Variants in TRPV2 observed in about 807,000 individuals in gnomAD.
TRPV2 encodes OTRPC2.
In TRPV2, 58 loss-of-function variants were observed where a neutral mutation model predicts 91.0. The observed-to-expected ratio is 0.64, with a 90% CI of 0.52 to 0.79. TRPV2 has a LOEUF of 0.79. TRPV2 is among the 30% of genes least tolerant of loss of function. The pLI is 0.00. For synonymous variants in TRPV2, 417 were observed against 414.8 expected (o/e 1.01, Z -0.06); for missense variants, 807 against 969.6 (o/e 0.83, Z 2.23).
chr17:16,430,113 C>A (rs1335967891), intron 10 of TRPV2, among the ~76,000 whole-genome samples: 3 of 152,154 alleles, frequency 2.0e-5, no homozygotes, highest in African/African-American at 4.8e-5. Context: ...GATCCGCCTG[C>A]CTTGGCCTCC....
At chr17:16,431,676 G>A (rs999478768) in intron 10 of TRPV2, 108 bp from the exon 11 acceptor site, 21 of 940,376 alleles carry the variant, frequency 2.2e-5, no homozygotes, top group East Asian at 7.2e-5. Context: ...GTATGTGTGC[G>A]TATGTGCAGT....
At chr17:16,432,322 G>T in intron 12 of TRPV2, 22 bp downstream of exon 12, 10 of 1,582,620 alleles carry the variant, frequency 6.3e-6, no homozygotes, top group African/African-American at 1.3e-5. Flanking sequence ...GAGGCTCCCT[G>T]CCCCCACCCC....
At chr17:16,417,026 A>G (rs975118812) in intron 1 of TRPV2, among the ~76,000 whole-genome samples, 3 of 152,114 alleles carry the variant, frequency 2.0e-5, no homozygotes, top group Admixed American at 6.6e-5. Context: ...TCCCAGAGGA[A>G]AAGTCGGGGA....
At chr17:16,425,976 C>A in intron 5 of TRPV2, 123 bp from the exon 6 acceptor site, 4 of 1,043,384 alleles carry the variant, frequency 3.8e-6, no homozygotes, top group South Asian at 1.5e-5. Flanking sequence ...GGGGTACGTG[C>A]ACGTGTCAGC....
intron 10 of TRPV2, among the ~76,000 whole-genome samples, chr17:16,430,802 A>G (rs958598898): frequency 6.6e-6 from 1 of 152,140 alleles, no homozygotes; most frequent in Non-Finnish European, 1.5e-5. Context: ...TTCCTTTGTA[A>G]GGCTGAATAA....
intron 1 of TRPV2, among the ~76,000 whole-genome samples, 192 bp from the exon 2 acceptor site, chr17:16,417,370 A>T (rs2093335948): frequency 6.7e-6 from 1 of 148,514 alleles, no homozygotes; most frequent in Non-Finnish European, 1.5e-5. Flanking sequence ...CCTCCCTAGT[A>T]GCTGGGATTA....
intron 13 of TRPV2, chr17:16,434,588 C>A: frequency 3.0e-6 from 1 of 335,110 alleles, no homozygotes; most frequent in Non-Finnish European, 5.4e-6. Flanking sequence ...CCCCAGAACC[C>A]GGAAGCACAG....
rs2093431070 is a variant in TRPV2 at position 16,435,490 on chromosome 17, G to A, written c.2194+521G>A. ...CACTTCCCATGCTTCCTCCATGTCC[G>A]TGGCCTGTGTCCTCTCCGTTCCAGT... On this transcript the variant is annotated intron_variant, in intron 14 of 14. Coordinates refer to ENST00000338560, the MANE Select transcript of TRPV2 (RefSeq NM_016113.5). This position sits in a 1 kb window ranked among gnomAD's most constrained non-coding sequence, Gnocchi z 4.2. Among the ~76,000 whole-genome samples the A allele has an allele frequency of 1.3e-5, 2 of 151,938 alleles. No individual in the cohort carries two copies. The highest frequency in any genetic ancestry group is 1.3e-4 in the Admixed American group (2 of 15,260).
Position 16,428,849 on chromosome 17 carries a change from A to G in TRPV2, c.1454A>G (p.Gln485Arg). Residue 485 changes from glutamine to arginine, a missense_variant, in exon 10 of 15, where the codon CAG becomes CGG. Gln to Arg is a conservative substitution (Grantham distance 43, BLOSUM62 1). Transcript: ENST00000338560. ...LFQALLTVVS[Q>R]VLCFLAIEWY... ...CAGGCCCTGCTCACAGTGGTGTCCC[A>G]GGTGCTGTGTTTCCTGGCCATCGAG... 6.2e-7 allele frequency: 1 copy of G among 1,613,846 alleles called. No homozygotes were observed. The highest frequency in any genetic ancestry group is 8.5e-7 in the Non-Finnish European group (1 of 1,180,004).
Position 16,436,802 on chromosome 17 carries a change from C to T in TRPV2, c.2208C>T (p.Asn736=), listed in dbSNP as rs2093435668. 6.2e-7 allele frequency: 1 copy of T among 1,613,898 alleles called. No individual in the cohort carries two copies. Among genetic ancestry groups the T allele is most frequent in the South Asian group, 1.1e-5 (1 of 91,084 alleles). ...SGAGVPRTLE[N]PVLASPPKED... is the part of the protein sequence containing the mutation. ...ATCTGTTTACAGGAACTCTCGAGAACCCTGTCCTGGCTTCCCCTCCCAAGG... is the reference window on the plus strand; with the variant it reads ...ATCTGTTTACAGGAACTCTCGAGAATCCTGTCCTGGCTTCCCCTCCCAAGG... The change falls in exon 15 of 15, where the codon AAC becomes AAT. Residue 736 remains asparagine (N), a synonymous_variant. Coordinates refer to ENST00000338560, the MANE Select transcript of TRPV2 (RefSeq NM_016113.5).
rs570302096 is a variant in TRPV2, at chr17:16,427,369, G to A, written c.1252-80G>A. The A allele has an allele frequency of 3.5e-4, 486 of 1,371,146 alleles. 11 individuals are homozygous for A. In the South Asian group the frequency reaches 5.7e-3, roughly 16 times the overall value. The allele number at this position is 1,371,146 out of a possible 1,614,324, so 84.9% of individuals were successfully genotyped here. A position where few individuals can be genotyped will look rare whatever the true frequency, so the allele number is the denominator to read the frequency against. The stretch of plus-strand genomic sequence containing the variant: ...CTCTCCACAGCTCAGGCTCAGAGTA[G>A]GCCCTCAGCTTCAGCTCTGAAGGGT... On this transcript the variant is annotated intron_variant, in intron 7 of 14. Transcript: ENST00000338560.
At chr17:16,434,708 G>C in intron 13 of TRPV2, 182 bp from the exon 14 acceptor site, 1 of 547,954 alleles carries the variant, frequency 1.8e-6, no homozygotes, top group Middle Eastern at 4.7e-4. Flanking sequence ...CTGCCTCACA[G>C]GACAGGGCTC....
rs1033626718 is a variant in TRPV2 at position 16,435,446 on chromosome 17, T to A, written c.2194+477T>A. On this transcript the variant is annotated intron_variant, in intron 14 of 14. Transcript: ENST00000338560. This position sits in a 1 kb window ranked among gnomAD's most constrained non-coding sequence, Gnocchi z 4.2. ...GCCCTTAGTCCCTTCACACCCCAAG[T>A]CCCCCACCTCTGAGAAACCACTTCC... is the stretch of plus-strand genomic sequence containing the variant. Among the ~76,000 whole-genome samples, 7 of 151,876 alleles carry A rather than the reference T, an allele frequency of 4.6e-5. No individual in the cohort carries two copies. The highest frequency in any genetic ancestry group is 1.5e-4 in the African/African-American group (6 of 41,334).
At chr17:16,428,296 C>T (rs1189952292) in intron 8 of TRPV2, 21 bp from the exon 9 acceptor site, 5 of 1,613,790 alleles carry the variant, frequency 3.1e-6, no homozygotes, top group African/African-American at 1.3e-5. Flanking sequence ...TCACAGCCCT[C>T]TGTCCTCCCT....
At chr17:16,421,087 C>T (rs772378724) in intron 3 of TRPV2, among the ~76,000 whole-genome samples, 39 of 152,292 alleles carry the variant, frequency 2.6e-4, no homozygotes, top group East Asian at 1.3e-3. Context: ...TCCCTTGTGT[C>T]CTTATCATCA....
At chr17:16,423,972 T>C (rs2093370642) in intron 5 of TRPV2, among the ~76,000 whole-genome samples, 1 of 152,242 alleles carries the variant, frequency 6.6e-6, no homozygotes, top group African/African-American at 2.4e-5. Context: ...CTACTGAATA[T>C]ATTACATTAT....
Position 16,426,760 on chromosome 17 carries a change from A to G in TRPV2, c.1134A>G (p.Lys378=). ...TGGTCGTTTTGGAGCCCCTGAACAA[A>G]CTGCTGCAGGCGAAATGGGATCTGC... The part of the protein sequence containing the change: ...HRMVVLEPLN[K]LLQAKWDLLI... The change falls in exon 7 of 15, where the codon AAA becomes AAG. Residue 378 remains lysine, a synonymous_variant. Coordinates refer to ENST00000338560, the MANE Select transcript of TRPV2 (RefSeq NM_016113.5). This position sits in a 1 kb window ranked among gnomAD's most constrained non-coding sequence, Gnocchi z 6.0. 1.2e-6 allele frequency: 2 copies of G among 1,613,978 alleles called. No homozygotes were observed. Among genetic ancestry groups the G allele is most frequent in the South Asian group, 2.2e-5 (2 of 91,082 alleles).
chr17:16,428,015 G>A (rs939108435), intron 8 of TRPV2, among the ~76,000 whole-genome samples: 6 of 152,198 alleles, frequency 3.9e-5, no homozygotes, highest in African/African-American at 1.2e-4. Flanking sequence ...ACCAAACGCA[G>A]GTTGGCTGGG....
chr17:16,432,512 C>G (rs2093418141), intron 12 of TRPV2, among the ~76,000 whole-genome samples: 1 of 151,100 alleles, frequency 6.6e-6, no homozygotes, highest in South Asian at 2.1e-4. Context: ...ACGATCACAG[C>G]TCAATGCAGC....
Sources: allele counts gnomAD v4.1 joint callset (sites outside exome capture counted in the v4.1 genomes callset), GRCh38; gene constraint gnomAD v4.1.1; non-coding constraint Gnocchi (gnomAD v3.1); transcripts MANE v1.5; gene names NCBI Gene and HGNC (gene_info 2026-07-23, HGNC 2026-07-21).